LRRTM4: variants seen among roughly 807,000 people sequenced by gnomAD.
LRRTM4 encodes leucine-rich repeat transmembrane neuronal protein 4.
LRRTM4 carries 25 observed loss-of-function variants against 47.6 expected under a neutral mutation model. The observed-to-expected ratio is 0.53, with a 90% CI of 0.38 to 0.73. The LOEUF (loss-of-function observed/expected upper bound fraction) is 0.73. LRRTM4 is among the 30% of genes least tolerant of loss of function. LRRTM4 has a pLI of 0.00. For synonymous variants in LRRTM4, 311 were observed against 269.5 expected (o/e 1.15, Z -1.51); for missense variants, 638 against 713.4 (o/e 0.89, Z 1.20).
intron 3 of LRRTM4, among the ~76,000 whole-genome samples, chr2:77,490,627 A>T (rs1022032031): frequency 2.8e-4 from 43 of 152,030 alleles, no homozygotes; most frequent in Non-Finnish European, 3.7e-4. Flanking sequence ...AAAATAATAA[A>T]AAAAAACAGC....
intron 3 of LRRTM4, among the ~76,000 whole-genome samples, chr2:77,171,916 A>G (rs984591685): frequency 6.6e-6 from 1 of 152,164 alleles, no homozygotes; most frequent in Non-Finnish European, 1.5e-5. Context: ...CAAACTTTGT[A>G]AGGGTTGTAC....
intron 3 of LRRTM4, among the ~76,000 whole-genome samples, chr2:77,441,154 A>G (rs1361187236): frequency 6.6e-6 from 1 of 152,220 alleles, no homozygotes; most frequent in Non-Finnish European, 1.5e-5. Context: ...ATGATCTGGT[A>G]TAATTTCTTC....
chr2:77,515,953 G>T (rs1033747424), intron 3 of LRRTM4, among the ~76,000 whole-genome samples: 1 of 151,738 alleles, frequency 6.6e-6, no homozygotes, highest in African/African-American at 2.4e-5. Flanking sequence ...CAAAAAATGG[G>T]GTGACCCCTG....
intron 3 of LRRTM4, among the ~76,000 whole-genome samples, chr2:77,130,326 C>A (rs1671761764): frequency 6.6e-6 from 1 of 151,876 alleles, no homozygotes; most frequent in East Asian, 1.9e-4. Context: ...ATTCTTTCCT[C>A]CAGAATGGTG....
intron 3 of LRRTM4, among the ~76,000 whole-genome samples, chr2:76,952,753 C>T (rs115833323): frequency 6.6e-6 from 1 of 151,904 alleles, no homozygotes; most frequent in Non-Finnish European, 1.5e-5. Flanking sequence ...ATGTTCACCA[C>T]CGTATTATTC....
At chr2:76,797,490 G>A (rs886086569) in intron 3 of LRRTM4, among the ~76,000 whole-genome samples, 75 of 151,874 alleles carry the variant, frequency 4.9e-4, no homozygotes, top group South Asian at 1.0e-3. Flanking sequence ...AGGAACAACC[G>A]GTATCAGCTG....
At chr2:77,253,233 G>A (rs1573148055) in intron 3 of LRRTM4, among the ~76,000 whole-genome samples, 1 of 152,102 alleles carries the variant, frequency 6.6e-6, no homozygotes, top group East Asian at 1.9e-4. Context: ...GCCATACACT[G>A]AAAATGGGAG....
intron 3 of LRRTM4, among the ~76,000 whole-genome samples, chr2:76,936,586 A>T (rs1194552134): frequency 7.2e-5 from 7 of 97,260 alleles, no homozygotes; most frequent in Admixed American, 2.1e-4. Context: ...AAAGTATAAT[A>T]AAAAAAAAAA....
At chr2:77,375,676 G>A (rs1469712236) in intron 3 of LRRTM4, among the ~76,000 whole-genome samples, 3 of 151,602 alleles carry the variant, frequency 2.0e-5, no homozygotes, top group Admixed American at 1.3e-4. Context: ...TCATATAAGT[G>A]GAATCACGCA....
intron 3 of LRRTM4, among the ~76,000 whole-genome samples, chr2:77,095,455 T>C (rs1670780359): frequency 6.6e-6 from 1 of 152,002 alleles, no homozygotes; most frequent in South Asian, 2.1e-4. Context: ...TGCACTCCCA[T>C]GTTCATGGTA....
intron 3 of LRRTM4, among the ~76,000 whole-genome samples, chr2:76,849,224 C>T (rs1399741484): frequency 1.3e-5 from 2 of 151,964 alleles, no homozygotes; most frequent in African/African-American, 4.8e-5. Flanking sequence ...TAGGTTGAGC[C>T]AAGGAAGGGC....
chr2:77,074,467 G>T (rs1230050450), intron 3 of LRRTM4, among the ~76,000 whole-genome samples: 2 of 151,792 alleles, frequency 1.3e-5, no homozygotes, highest in Non-Finnish European at 2.9e-5. Context: ...CTACTGCTTG[G>T]AATTATAAAA....
chr2:76,925,367 C>G (rs1674556936), intron 3 of LRRTM4, among the ~76,000 whole-genome samples: 1 of 152,112 alleles, frequency 6.6e-6, no homozygotes, highest in African/African-American at 2.4e-5. Context: ...TGAAAGAGGA[C>G]CAAGCCTTTA....
At chr2:77,302,693 T>G (rs546183816) in intron 3 of LRRTM4, among the ~76,000 whole-genome samples, 1 of 152,306 alleles carries the variant, frequency 6.6e-6, no homozygotes, top group South Asian at 2.1e-4. Flanking sequence ...AGAAGCTACT[T>G]GATGTATCAA....
At chr2:76,924,034 T>TA (rs1173676684) in intron 3 of LRRTM4, among the ~76,000 whole-genome samples, 14 of 152,106 alleles carry the variant, frequency 9.2e-5, no homozygotes, top group African/African-American at 3.4e-4. Context: ...GAGGAAGCTC[T>TA]ATTGGGAATA....
In LRRTM4 at chr2:77,521,658, G is replaced by A. The variant is rs781207438; in HGVS notation, c.4+10C>T. 6.2e-7 allele frequency: 1 copy of A among 1,612,056 alleles called. No individual in the cohort carries two copies. The highest frequency in any genetic ancestry group is 8.5e-7 in the Non-Finnish European group (1 of 1,179,048). ...CTTTGCTCAGAAGGAAACAACAAAA[G>A]TTCACTTACCCATCCTTTGTCATCC... is the stretch of plus-strand genomic sequence containing the variant. On this transcript the variant is annotated intron_variant, in intron 2 of 3. Coordinates refer to ENST00000409884, the MANE Select transcript of LRRTM4 (RefSeq NM_001134745.3).
intron 3 of LRRTM4, among the ~76,000 whole-genome samples, chr2:77,268,561 T>A (rs2104063134): frequency 6.6e-6 from 1 of 152,274 alleles, no homozygotes; most frequent in East Asian, 1.9e-4. Context: ...TTCTGCACGC[T>A]GTATATCAAG....
At chr2:77,249,609 C>T (rs1675548162) in intron 3 of LRRTM4, among the ~76,000 whole-genome samples, 1 of 151,968 alleles carries the variant, frequency 6.6e-6, no homozygotes, top group Non-Finnish European at 1.5e-5. Flanking sequence ...ATTAAAACAA[C>T]AAGAAGATAC....
At chr2:77,222,144 T>C (rs1407384117) in intron 3 of LRRTM4, among the ~76,000 whole-genome samples, 3 of 152,140 alleles carry the variant, frequency 2.0e-5, no homozygotes, top group Non-Finnish European at 4.4e-5. Flanking sequence ...AACAAAGATG[T>C]TCTTTGAAAC....
Sources: gnomAD v4.1 joint callset for allele counts (sites outside exome capture counted in the v4.1 genomes callset) on GRCh38, gnomAD v4.1.1 for gene constraint, MANE v1.5 for transcripts, NCBI Gene and HGNC (gene_info 2026-07-23, HGNC 2026-07-21) for gene names.